The following ADCY9 variants were observed in gnomAD, a reference collection of about 807,000 sequenced individuals.
The protein encoded by ADCY9 is adenylate cyclase 9, also known as adenylate cyclase type 9.
In ADCY9, 50 loss-of-function variants were observed where a neutral mutation model predicts 101.5. The ratio of observed to expected loss-of-function variants is 0.49; its 90% confidence interval spans 0.39 to 0.62. The LOEUF is 0.62. Among genes scored for constraint, ADCY9 ranks in the 20% least tolerant of loss-of-function variants. ADCY9 has a pLI of 0.00. For missense variants in ADCY9, 1,662 were observed against 1,800.4 expected (o/e 0.92, Z 1.39); for synonymous variants, 905 against 769.3 (o/e 1.18, Z -2.92).
rs1052619849 is a variant in ADCY9 at position 4,069,048 on chromosome 16, T to C, written c.1693+44702A>G. 2.0e-5 allele frequency among the ~76,000 whole-genome samples: 3 copies of C among 152,120 alleles called. No homozygotes were observed. In the South Asian group the frequency reaches 6.2e-4, roughly 32 times the overall value. On this transcript the variant is annotated intron_variant, in intron 2 of 10. Coordinates refer to ENST00000294016, the MANE Select transcript of ADCY9 (RefSeq NM_001116.4). Reference sequence around the variant, plus strand: ...CAAATATTGCCATAGGGTAAATCCCTAAAAGTGAAAGGACTTGGTCAAATG... The same window carrying C: ...CAAATATTGCCATAGGGTAAATCCCCAAAAGTGAAAGGACTTGGTCAAATG...
intron 2 of ADCY9, among the ~76,000 whole-genome samples, chr16:4,057,050 C>CG (rs1162072759): frequency 1.3e-4 from 18 of 135,122 alleles, no homozygotes; most frequent in South Asian, 5.2e-4. Context: ...CCCCCCCCCC[C>CG]CCGCCAATCT....
intron 2 of ADCY9, among the ~76,000 whole-genome samples, chr16:4,076,611 A>G (rs1160374398): frequency 2.0e-5 from 3 of 152,218 alleles, no homozygotes; most frequent in Non-Finnish European, 4.4e-5. Context: ...AGAAATGGTT[A>G]CCAAAAACTG....
chr16:3,961,540 G>A (rs2055938415), downstream of ADCY9, among the ~76,000 whole-genome samples: 1 of 152,098 alleles, frequency 6.6e-6, no homozygotes, highest in African/African-American at 2.4e-5. Context: ...GGTGACCAGG[G>A]AGGCCTGCAG....
chr16:4,097,477 T>C lies in ADCY9; in HGVS notation c.1693+16273A>G, dbSNP rs1456409642. 6.3e-3 allele frequency among the ~76,000 whole-genome samples: 315 copies of C among 50,076 alleles called. 5 individuals are homozygous for C. Among genetic ancestry groups the C allele is most frequent in the African/African-American group, 0.013 (235 of 18,126 alleles). The allele number at this position is 50,076 out of a possible 152,430, so 32.9% of individuals were successfully genotyped here. ...ACATATATATATATATATATATATA[T>C]ATATATATATACACACACACACACT... On this transcript the variant is annotated intron_variant, in intron 2 of 10. Coordinates refer to ENST00000294016, the MANE Select transcript of ADCY9 (RefSeq NM_001116.4).
chr16:4,017,517 G>A lies in ADCY9; in HGVS notation c.1694-9959C>T, dbSNP rs566218031. Among the ~76,000 whole-genome samples the A allele has an allele frequency of 2.9e-5, 4 of 137,604 alleles. No individual in the cohort carries two copies. In the East Asian group the frequency reaches 9.6e-4, roughly 33 times the overall value. The allele number at this position is 137,604 out of a possible 152,430, so 90.3% of individuals were successfully genotyped here. A position where few individuals can be genotyped will look rare whatever the true frequency, so the allele number is the denominator to read the frequency against. On this transcript the variant is annotated intron_variant, in intron 2 of 10. Coordinates refer to ENST00000294016, the MANE Select transcript of ADCY9 (RefSeq NM_001116.4). ...AAATTAGCCAGGCGTGGTGATGCAC[G>A]CCTGTAATCCCAGCTACTTGGGAGG...
Position 3,979,118 on chromosome 16 carries a change from G to T in ADCY9, c.2677C>A (p.His893Asn), listed in dbSNP as rs768742360. The change falls in exon 8 of 11, where the codon CAC becomes AAC. Residue 893 changes from histidine (H) to asparagine (N), a missense_variant and splice_region_variant. Transcript: ENST00000294016. ...HVTSEYETNI[H>N]FPVFTGSAAL... The stretch of plus-strand genomic sequence containing the variant: ...AAAACGGCTGAGCCTTTACTTACGT[G>T]TATGTTGGTCTCATATTCGGAGGTG... 6.2e-7 allele frequency: 1 copy of T among 1,614,228 alleles called. No individual in the cohort carries two copies. Among genetic ancestry groups the T allele is most frequent in the South Asian group, 1.1e-5 (1 of 91,090 alleles).
intron 6 of ADCY9, among the ~76,000 whole-genome samples, chr16:3,984,313 G>A (rs972123223): frequency 2.0e-5 from 3 of 152,188 alleles, no homozygotes; most frequent in Admixed American, 6.5e-5. Flanking sequence ...TGGCCGACGG[G>A]GATTTAAGTG....
chr16:4,046,968 C>A (rs1379842977), intron 2 of ADCY9, among the ~76,000 whole-genome samples: 1 of 151,986 alleles, frequency 6.6e-6, no homozygotes, highest in Non-Finnish European at 1.5e-5. Flanking sequence ...TATAAGTACG[C>A]CACTGGACTC....
chr16:4,014,689 C>A (rs997965875), intron 2 of ADCY9, among the ~76,000 whole-genome samples: 1 of 152,012 alleles, frequency 6.6e-6, no homozygotes, highest in Admixed American at 6.6e-5. Context: ...CTCAAATGAT[C>A]CGCCTGCCTC....
intron 10 of ADCY9, among the ~76,000 whole-genome samples, chr16:3,969,672 T>G (rs2056034532): frequency 7.1e-6 from 1 of 140,638 alleles, no homozygotes; most frequent in Non-Finnish European, 1.5e-5. Context: ...TGGACTGCAG[T>G]GGTGCGATCC....
intron 2 of ADCY9, among the ~76,000 whole-genome samples, chr16:4,070,849 G>A (rs1055128755): frequency 6.6e-6 from 1 of 152,238 alleles, no homozygotes; most frequent in South Asian, 2.1e-4. Context: ...AGGAGTCTGA[G>A]ATGGGAGGAT....
At chr16:4,050,303 A>C (rs944157304) in intron 2 of ADCY9, among the ~76,000 whole-genome samples, 1 of 152,232 alleles carries the variant, frequency 6.6e-6, no homozygotes, top group African/African-American at 2.4e-5. Flanking sequence ...ATATGAGATG[A>C]ATGGATACAT....
intron 2 of ADCY9, among the ~76,000 whole-genome samples, chr16:4,069,271 AGTT>A (rs747882801): frequency 4.5e-5 from 2 of 44,546 alleles, no homozygotes; most frequent in Non-Finnish European, 8.0e-5. Flanking sequence ...TGTTGTTGTA[AGTT>A]ATTATTATTA....
rs146215203 is a variant in ADCY9 at position 3,983,796 on chromosome 16, G to A, written c.2311-356C>T. ...TAAAATTAGCCAGGCATGGCAGTGC[G>A]TGAGTGTGGTCCCAGCTACTCAGGA... On this transcript the variant is annotated intron_variant, in intron 6 of 10. Transcript: ENST00000294016. The A allele has an allele frequency of 8.9e-5, 22 of 248,574 alleles. No individual in the cohort carries two copies. In the East Asian group the frequency reaches 1.7e-3, roughly 19 times the overall value. 15.4% of individuals were successfully genotyped at this position (248,574 alleles called of 1,614,324 possible).
At chr16:4,022,067 T>G (rs2056480749) in intron 2 of ADCY9, among the ~76,000 whole-genome samples, 1 of 152,206 alleles carries the variant, frequency 6.6e-6, no homozygotes, top group African/African-American at 2.4e-5. Context: ...TAGCCTTCCC[T>G]CAGCCACCTT....
chr16:3,983,678 C>A, intron 6 of ADCY9: 1 of 536,412 alleles, frequency 1.9e-6, no homozygotes, highest in Admixed American at 3.2e-5. Context: ...CCTGTAATCC[C>A]GACACTTTGG....
chr16:4,097,629 C>T (rs111896658), intron 2 of ADCY9, among the ~76,000 whole-genome samples: 14,192 of 143,438 alleles, frequency 0.099, 782 homozygotes, highest in Middle Eastern at 0.17. Context: ...TCTCAGCAAC[C>T]TCCATCTCCT....
chr16:4,079,281 A>T (rs540016075), intron 2 of ADCY9, among the ~76,000 whole-genome samples: 119 of 152,356 alleles, frequency 7.8e-4, no homozygotes, highest in African/African-American at 2.6e-3. Flanking sequence ...ATGTATGTAC[A>T]GACTTGGCCA....
chr16:4,006,781 C>A (rs2056370056), intron 3 of ADCY9, among the ~76,000 whole-genome samples: 3 of 152,162 alleles, frequency 2.0e-5, no homozygotes, highest in Admixed American at 2.0e-4. Flanking sequence ...CGCGCCAATT[C>A]CCTGGTAGTT....
Sources: gnomAD v4.1 joint callset for allele counts (sites outside exome capture counted in the v4.1 genomes callset) on GRCh38, gnomAD v4.1.1 for gene constraint, MANE v1.5 for transcripts, NCBI Gene and HGNC (gene_info 2026-07-23, HGNC 2026-07-21) for gene names.